The following GRIP1 variants were observed in gnomAD, a reference collection of about 807,000 sequenced individuals.
GRIP1 encodes the protein glutamate receptor interacting protein 1.
In GRIP1, 45 loss-of-function variants were observed where a neutral mutation model predicts 129.9. The ratio of observed to expected loss-of-function variants is 0.35; its 90% confidence interval spans 0.27 to 0.44. The LOEUF is 0.44. Among genes scored for constraint, GRIP1 ranks in the 20% least tolerant of loss-of-function variants. The pLI, the probability that GRIP1 is intolerant of heterozygous loss-of-function variation, is 1.00. For missense variants in GRIP1, 1,196 were observed against 1,396.8 expected, an observed-to-expected ratio of 0.86 and a Z score of 2.29; for synonymous variants, 530 against 520.8, an observed-to-expected ratio of 1.02 and a Z score of -0.24.
At position 66,459,223 on chromosome 12, in the gene GRIP1, A is replaced by G. The variant is rs188193403; in HGVS notation, c.1043-2881T>C. ...AACGGGAATATCAGCCAGAGTGTCC[A>G]TGTGAACACTGCAGCAGCATTTTCC... On this transcript the variant is annotated intron_variant, in intron 9 of 24. Transcript: ENST00000359742. 4.8e-3 allele frequency among the ~76,000 whole-genome samples: 735 copies of G among 152,358 alleles called. 2 individuals are homozygous for G. In the Middle Eastern group the frequency reaches 0.054, roughly 11 times the overall value.
intron 7 of GRIP1, among the ~76,000 whole-genome samples, chr12:66,478,212 GCT>G (rs2059684330): frequency 1.3e-5 from 2 of 152,176 alleles, no homozygotes; most frequent in Admixed American, 1.3e-4. Context: ...CAAAAAGTGG[GCT>G]AAGGATATGA....
intron 1 of GRIP1, among the ~76,000 whole-genome samples, chr12:67,062,468 C>G (rs530515221): frequency 1.3e-4 from 20 of 152,260 alleles, no homozygotes; most frequent in Non-Finnish European, 2.6e-4. Flanking sequence ...ATCTCCTCCC[C>G]TTCCTTCAAG....
At chr12:66,514,905 C>T (rs2138918655) in intron 7 of GRIP1, among the ~76,000 whole-genome samples, 1 of 152,230 alleles carries the variant, frequency 6.6e-6, no homozygotes, top group Non-Finnish European at 1.5e-5. Context: ...GGTTTACTCA[C>T]AGCATGATTT....
At chr12:66,644,932 G>T (rs975568300) in intron 1 of GRIP1, among the ~76,000 whole-genome samples, 4 of 152,254 alleles carry the variant, frequency 2.6e-5, no homozygotes, top group African/African-American at 9.6e-5. Context: ...TTAGCATACA[G>T]TCTTTAAAAG....
At chr12:66,968,236 T>C (rs2042024239) in intron 1 of GRIP1, among the ~76,000 whole-genome samples, 1 of 152,184 alleles carries the variant, frequency 6.6e-6, no homozygotes, top group African/African-American at 2.4e-5. Flanking sequence ...TACTGAAGTC[T>C]GCTTTGTCTA....
In GRIP1 at chr12:66,369,398, C is replaced by T. The variant is rs116355912; in HGVS notation, c.3012+2296G>A. On this transcript the variant is annotated intron_variant, in intron 23 of 24. Transcript: ENST00000359742. Reference sequence around the variant, plus strand: ...CCATTTTAAACCTCAGCTATAACAACACTTGCACGTCCAATTCATTGTCAT... The same window carrying T: ...CCATTTTAAACCTCAGCTATAACAATACTTGCACGTCCAATTCATTGTCAT... Among the ~76,000 whole-genome samples, 782 of 136,760 alleles carry T rather than the reference C, an allele frequency of 5.7e-3. 3 individuals carry two copies. Among genetic ancestry groups the T allele is most frequent in the African/African-American group, 0.021 (737 of 35,774 alleles). The allele number at this position is 136,760 out of a possible 152,430, so 89.7% of individuals were successfully genotyped here. A position where few individuals can be genotyped will look rare whatever the true frequency, so the allele number is the denominator to read the frequency against.
intron 1 of GRIP1, among the ~76,000 whole-genome samples, chr12:66,715,471 T>TGTGTGTGAGA (rs761155485): frequency 4.5e-5 from 5 of 110,058 alleles, no homozygotes; most frequent in African/African-American, 1.7e-4. Context: ...TGTGTGTGTG[T>TGTGTGTGAGA]GAGAGAGAGA....
chr12:66,937,354 G>A (rs536998841), intron 1 of GRIP1, among the ~76,000 whole-genome samples: 1 of 152,342 alleles, frequency 6.6e-6, no homozygotes, highest in South Asian at 2.1e-4. Flanking sequence ...TGCTCCGCCA[G>A]TAGAACGTAA....
Position 66,986,354 on chromosome 12 carries a change from T to C in GRIP1, c.58+82696A>G, listed in dbSNP as rs376815417. Among the ~76,000 whole-genome samples, 34 of 152,090 alleles carry C rather than the reference T, an allele frequency of 2.2e-4. No homozygotes were observed. The South Asian group carries it at 4.4e-3, about 20-fold the overall frequency. On this transcript the variant is annotated intron_variant, in intron 1 of 1. Coordinates refer to the GRIP1 transcript ENST00000643019. ...TATATACCTAAAGGACTATAAATCA[T>C]GCTGCTATAAAGACACATGCACACG...
intron 1 of GRIP1, among the ~76,000 whole-genome samples, chr12:66,909,632 T>C (rs889241732): frequency 2.6e-5 from 4 of 152,188 alleles, no homozygotes; most frequent in Non-Finnish European, 5.9e-5. Flanking sequence ...AATGTCCTCA[T>C]TGAGTTACAT....
At chr12:66,915,044 G>C (rs112547724) in intron 1 of GRIP1, among the ~76,000 whole-genome samples, 1 of 152,122 alleles carries the variant, frequency 6.6e-6, no homozygotes, top group Non-Finnish European at 1.5e-5. Flanking sequence ...TCCCAGTTTT[G>C]TGTCTCCCAA....
At chr12:66,925,155 A>AG (rs1404028409) in intron 1 of GRIP1, among the ~76,000 whole-genome samples, 2 of 152,232 alleles carry the variant, frequency 1.3e-5, no homozygotes, top group African/African-American at 4.8e-5. Flanking sequence ...GACTCTGCAG[A>AG]GAAGTTTTAA....
chr12:66,933,833 T>C (rs2041440265), intron 1 of GRIP1, among the ~76,000 whole-genome samples: 1 of 152,202 alleles, frequency 6.6e-6, no homozygotes, highest in Non-Finnish European at 1.5e-5. Context: ...TGCATAATAT[T>C]AAGCTATAGT....
chr12:66,849,656 C>A (rs1267277461), intron 1 of GRIP1, among the ~76,000 whole-genome samples: 1 of 152,104 alleles, frequency 6.6e-6, no homozygotes, highest in Non-Finnish European at 1.5e-5. Flanking sequence ...TACCTTCCTT[C>A]CTCACCCCCA....
rs568078701 is a variant in GRIP1, at chr12:66,963,988, T to C, written c.58+105062A>G. ...AGTGACCATTCTCCTTTAAGCCCTA[T>C]AGACAATCACATTACAAGTTCTCTT... On this transcript the variant is annotated intron_variant, in intron 1 of 1. Coordinates refer to the GRIP1 transcript ENST00000643019. Among the ~76,000 whole-genome samples, 8 of 152,260 alleles carry C rather than the reference T, an allele frequency of 5.3e-5. No individual in the cohort carries two copies. In the East Asian group the frequency reaches 1.2e-3, roughly 22 times the overall value.
intron 1 of GRIP1, among the ~76,000 whole-genome samples, chr12:66,991,222 G>A (rs930926029): frequency 1.3e-5 from 2 of 152,050 alleles, no homozygotes; most frequent in African/African-American, 4.8e-5. Flanking sequence ...GCAGTGAGCC[G>A]AGATCACGCC....
At chr12:66,702,991 T>C (rs2035402815) in intron 1 of GRIP1, among the ~76,000 whole-genome samples, 1 of 152,176 alleles carries the variant, frequency 6.6e-6, no homozygotes, top group African/African-American at 2.4e-5. Context: ...ACTGAGCTCC[T>C]ACCTTCACGG....
At chr12:66,706,860 C>T (rs997096915) in intron 1 of GRIP1, among the ~76,000 whole-genome samples, 4 of 151,846 alleles carry the variant, frequency 2.6e-5, no homozygotes, top group African/African-American at 9.7e-5. Context: ...ACACCAGGAC[C>T]TATTGGTGGG....
chr12:66,389,200 A>G (rs1394527343), intron 19 of GRIP1, among the ~76,000 whole-genome samples: 1 of 152,132 alleles, frequency 6.6e-6, no homozygotes, highest in South Asian at 2.1e-4. Flanking sequence ...AGGAAAAATA[A>G]AAGTGTGGTT....
Sources: gnomAD v4.1 joint callset for allele counts (sites outside exome capture counted in the v4.1 genomes callset) on GRCh38, gnomAD v4.1.1 for gene constraint, MANE v1.5 for transcripts, NCBI Gene and HGNC (gene_info 2026-07-23, HGNC 2026-07-21) for gene names.